The following ZNF503 variants were observed in gnomAD, a reference collection of about 807,000 sequenced individuals.
ZNF503 encodes the protein zinc finger protein 503, also known as NocA-like zinc finger 2.
In ZNF503, 15 loss-of-function variants were observed where a neutral mutation model predicts 34.4. The ratio of observed to expected loss-of-function variants is 0.44; its 90% CI spans 0.29 to 0.67. The LOEUF (loss-of-function observed/expected upper bound fraction) is 0.67. Ranked by LOEUF, ZNF503 falls within the 30% of genes least tolerant of loss-of-function variation. The pLI, the probability that ZNF503 is intolerant of heterozygous loss-of-function variation, is 0.13. For missense variants in ZNF503, 1,007 were observed against 926.8 expected, an observed-to-expected ratio of 1.09 and a Z score of -1.12; for synonymous variants, 580 against 456.8, an observed-to-expected ratio of 1.27 and a Z score of -3.44.
chr10:75,312,168 C>G, the ZNF503 span, among the ~76,000 whole-genome samples: 1 of 152,180 alleles, frequency 6.6e-6, no homozygotes, highest in African/African-American at 2.4e-5. Flanking sequence ...GATCACGCCA[C>G]TGTACTCTAG....
At chr10:75,359,452 A>G in the ZNF503 span, among the ~76,000 whole-genome samples, 3 of 152,218 alleles carry the variant, frequency 2.0e-5, no homozygotes, top group African/African-American at 7.2e-5. Context: ...AGGCCCACAA[A>G]TAACGCAGAT....
the ZNF503 span, among the ~76,000 whole-genome samples, chr10:75,368,007 G>A: frequency 4.6e-5 from 7 of 152,208 alleles, no homozygotes; most frequent in Admixed American, 3.9e-4. Context: ...GGAAGGCCCA[G>A]TAAACCTCGA....
rs11542744 is a variant in ZNF503, at chr10:75,401,354, T to G, written c.66A>C (p.Gly22=). The change falls in exon 1 of 2, where the codon GGA becomes GGC. Residue 22 remains glycine (G), a synonymous_variant. Transcript: ENST00000372524. ...CAGGGTCTGCACCGCCGCCTCCGCC[T>G]CCGCCGCCGCCGCCGCCGCTGTGCT... ...SSKHSGGGGG[G]GGGGGADPAW... 0.015 allele frequency: 23,090 copies of G among 1,516,726 alleles called. 259 individuals are homozygous for G. Among genetic ancestry groups the G allele is most frequent in the South Asian group, 0.053 (4,403 of 83,810 alleles). The allele number at this position is 1,516,726 out of a possible 1,614,324, so 94.0% of individuals were successfully genotyped here.
At chr10:75,356,494 C>T in the ZNF503 span, among the ~76,000 whole-genome samples, 4 of 152,212 alleles carry the variant, frequency 2.6e-5, no homozygotes, top group Admixed American at 6.5e-5. Flanking sequence ...GGATTACAGG[C>T]GTGAGCCACC....
chr10:75,355,703 G>C, the ZNF503 span, among the ~76,000 whole-genome samples: 1 of 152,188 alleles, frequency 6.6e-6, no homozygotes, highest in African/African-American at 2.4e-5. Flanking sequence ...GGCTATCCTG[G>C]TTATGTATTG....
chr10:75,375,094 C>T, the ZNF503 span, among the ~76,000 whole-genome samples: 2 of 152,190 alleles, frequency 1.3e-5, no homozygotes, highest in Non-Finnish European at 2.9e-5. Flanking sequence ...TGAAGTTAAA[C>T]AAGTTTCCCA....
the ZNF503 span, among the ~76,000 whole-genome samples, chr10:75,332,355 C>A: frequency 2.0e-5 from 3 of 151,752 alleles, no homozygotes; most frequent in Non-Finnish European, 2.9e-5. Flanking sequence ...TTGTATGTTT[C>A]CTACTGATAT....
At chr10:75,380,291 A>C in the ZNF503 span, among the ~76,000 whole-genome samples, 16 of 152,192 alleles carry the variant, frequency 1.1e-4, no homozygotes, top group Admixed American at 1.0e-3. Flanking sequence ...CCCCAGTTAC[A>C]TAACCCTGGG....
chr10:75,372,742 C>T, the ZNF503 span, among the ~76,000 whole-genome samples: 1 of 152,190 alleles, frequency 6.6e-6, no homozygotes, highest in African/African-American at 2.4e-5. Context: ...AATCCAAGCC[C>T]GAGTTTCCTG....
chr10:75,351,161 T>A, the ZNF503 span, among the ~76,000 whole-genome samples: 2 of 152,096 alleles, frequency 1.3e-5, no homozygotes, highest in African/African-American at 4.8e-5. Flanking sequence ...TAAACTATTA[T>A]CAGGAGGTGG....
chr10:75,302,974 G>A, the ZNF503 span, among the ~76,000 whole-genome samples: 1 of 152,178 alleles, frequency 6.6e-6, no homozygotes, highest in Non-Finnish European at 1.5e-5. Context: ...TAGAATTCTA[G>A]AGTGTTGAAG....
chr10:75,358,098 T>G, the ZNF503 span, among the ~76,000 whole-genome samples: 1 of 152,158 alleles, frequency 6.6e-6, no homozygotes, highest in Non-Finnish European at 1.5e-5. Flanking sequence ...AAGAGGGAGA[T>G]GGCCAGGATG....
At chr10:75,307,754 T>C in the ZNF503 span, among the ~76,000 whole-genome samples, 4 of 152,192 alleles carry the variant, frequency 2.6e-5, no homozygotes, top group African/African-American at 9.6e-5. Context: ...CCAATATTCA[T>C]TTACCTTTCT....
chr10:75,288,221 T>G, the ZNF503 span: 1 of 152,356 alleles, frequency 6.6e-6, no homozygotes, highest in South Asian at 2.1e-4. Flanking sequence ...TTGCAGAAAT[T>G]TGGGCAAAGT....
downstream of ZNF503, among the ~76,000 whole-genome samples, chr10:75,395,412 G>A (rs1201801367): frequency 6.6e-6 from 1 of 152,204 alleles, no homozygotes; most frequent in African/African-American, 2.4e-5. This position sits in a 1 kb window ranked among gnomAD's most constrained non-coding sequence, Gnocchi z 4.4. Context: ...GGGGCCTCGG[G>A]ATGCCCATCC....
At chr10:75,374,794 G>T in the ZNF503 span, among the ~76,000 whole-genome samples, 2 of 152,338 alleles carry the variant, frequency 1.3e-5, no homozygotes, top group Admixed American at 6.5e-5. Flanking sequence ...GAGCCTGTTT[G>T]TATGCTTCAC....
At chr10:75,373,245 C>T in the ZNF503 span, 1 of 152,244 alleles carries the variant, frequency 6.6e-6, no homozygotes, top group Non-Finnish European at 1.5e-5. Context: ...TGGCCAGTGA[C>T]TGGCAGATGG....
the ZNF503 span, among the ~76,000 whole-genome samples, chr10:75,386,081 T>G: frequency 3.3e-5 from 5 of 152,232 alleles, no homozygotes; most frequent in East Asian, 7.7e-4. Flanking sequence ...TTCCCCCATT[T>G]CCCCTGGCAC....
chr10:75,381,962 G>A, the ZNF503 span, among the ~76,000 whole-genome samples: 1 of 151,542 alleles, frequency 6.6e-6, no homozygotes, highest in South Asian at 2.1e-4. Context: ...ATAAGCCACC[G>A]TGCTCAACTA....
Sources: gnomAD v4.1 joint callset for allele counts (sites outside exome capture counted in the v4.1 genomes callset) on GRCh38, gnomAD v4.1.1 for gene constraint, Gnocchi (gnomAD v3.1) non-coding constraint, MANE v1.5 for transcripts, NCBI Gene and HGNC (gene_info 2026-07-23, HGNC 2026-07-21) for gene names.